Variants in PPOX observed in about 807,000 individuals in gnomAD.
PPOX encodes the protein protoporphyrinogen oxidase, also known as variegate porphyria.
PPOX carries 23 observed loss-of-function variants against 54.1 expected under a neutral mutation model. The observed-to-expected ratio is 0.43, with a 90% CI of 0.31 to 0.60. PPOX has a LOEUF of 0.60. PPOX is among the 20% of genes least tolerant of loss of function. The pLI is 0.13. For synonymous variants in PPOX, 224 were observed against 236.1 expected (o/e 0.95, Z 0.47); for missense variants, 512 against 601.1 (o/e 0.85, Z 1.55).
At chr1:161,174,946 C>T, downstream of PPOX, 2 of 1,583,604 alleles carry the variant, frequency 1.3e-6, no homozygotes, top group Non-Finnish European at 1.7e-6. Flanking sequence ...GTGCTTGAGG[C>T]TTCCTTAGAA....
At chr1:161,169,424 G>C in intron 7 of PPOX, 1 of 683,488 alleles carries the variant, frequency 1.5e-6, no homozygotes, top group Non-Finnish European at 2.5e-6. Flanking sequence ...AAAGAACCCA[G>C]CTTCACTGAA....
chr1:161,177,033 G>A lies in PPOX; in HGVS notation c.557G>A (p.Ser186Asn), dbSNP rs146463495. Residue 186 changes from serine to asparagine, a missense_variant, in exon 5 of 5, where the codon AGT becomes AAT. Coordinates refer to the PPOX transcript ENST00000497522. ...GAACAGCCCCGGAGCTCGGCGGAGA[G>A]TAGGGTGGGGGTGGCGTCCTCTACC... 311 of 1,535,984 alleles carry A rather than the reference G, an allele frequency of 2.0e-4. No individual in the cohort carries two copies. In the African/African-American group the frequency reaches 3.3e-3, roughly 16 times the overall value.
At chr1:161,175,751 C>T, downstream of PPOX, 1 of 1,591,660 alleles carries the variant, frequency 6.3e-7, no homozygotes, top group East Asian at 2.2e-5. Flanking sequence ...TATCCCCAAG[C>T]CTCCCTGTCT....
downstream of PPOX, chr1:161,176,083 G>A (rs369834383): frequency 1.4e-5 from 23 of 1,611,780 alleles, no homozygotes; most frequent in Middle Eastern, 1.7e-4. Flanking sequence ...ATCTAGGGAG[G>A]GAGAGGGGAA....
intron 2 of PPOX, 31 bp from the exon 3 acceptor site, chr1:161,167,069 G>A (rs1029255000): frequency 1.9e-6 from 3 of 1,614,160 alleles, no homozygotes; most frequent in Non-Finnish European, 2.5e-6. Context: ...GCTACAGGCG[G>A]TGCTGCAGTG....
At chr1:161,176,302 C>G (rs377658260) in intron 4 of PPOX, 27 of 582,840 alleles carry the variant, frequency 4.6e-5, no homozygotes, top group Non-Finnish European at 5.8e-5. Context: ...CTACCTCCCC[C>G]CAAACCACTC....
At chr1:161,174,925 TG>T, downstream of PPOX, 1 of 1,505,668 alleles carries the variant, frequency 6.6e-7, no homozygotes, top group Non-Finnish European at 9.2e-7. Flanking sequence ...TAGATGAAAG[TG>T]AAGTGGCATG....
chr1:161,174,456 T>C (rs555122043), downstream of PPOX, among the ~76,000 whole-genome samples: 5 of 146,862 alleles, frequency 3.4e-5, no homozygotes, highest in Non-Finnish European at 6.1e-5. Flanking sequence ...GAAATCAAAG[T>C]GGGGTGGAGG....
chr1:161,175,321 G>T, downstream of PPOX: 1 of 1,127,956 alleles, frequency 8.9e-7, no homozygotes. Context: ...CTGGCAGTCT[G>T]GTTCTGGGGC....
intron 4 of PPOX, chr1:161,176,802 T>C (rs1484442107): frequency 6.7e-7 from 1 of 1,487,676 alleles, no homozygotes; most frequent in Admixed American, 2.0e-5. Context: ...CAGGACAGAT[T>C]GGGGAGTGGG....
chr1:161,166,494 A>G lies in PPOX; in HGVS notation c.-187A>G, dbSNP rs757287744. The G allele has an allele frequency of 7.1e-5, 92 of 1,294,502 alleles. No homozygotes were observed. The highest frequency in any genetic ancestry group is 8.5e-5 in the Non-Finnish European group (86 of 1,011,276). 80.2% of individuals were successfully genotyped at this position (1,294,502 alleles called of 1,614,324 possible). A position where few individuals can be genotyped will look rare whatever the true frequency, so the allele number is the denominator to read the frequency against. On this transcript the variant is annotated 5_prime_UTR_variant, in exon 1 of 13. Transcript: ENST00000367999. ...GCGGATTTGAAGCACTTGTTGGCCT[A>G]CAGAGGTGTGGCAAGCAGAGCACCT...
intron 4 of PPOX, 137 bp from the exon 5 acceptor site, chr1:161,167,858 C>T: frequency 1.4e-6 from 2 of 1,418,576 alleles, no homozygotes; most frequent in Non-Finnish European, 2.0e-6. Flanking sequence ...CCACCACGCC[C>T]GACCTGCCTT....
chr1:161,175,054 T>C (rs1662979591), downstream of PPOX: 1 of 1,613,896 alleles, frequency 6.2e-7, no homozygotes, highest in African/African-American at 1.3e-5. Context: ...GTGCAGGTGG[T>C]AGAGCAGCAG....
Position 161,167,142 on chromosome 1 carries a change from C to T in PPOX, c.130C>T (p.Arg44Cys). 2 of 1,614,186 alleles carry T rather than the reference C, an allele frequency of 1.2e-6. No individual in the cohort carries two copies. The highest frequency in any genetic ancestry group is 1.3e-5 in the African/African-American group (1 of 75,044). Residue 44 changes from arginine to cysteine, a missense_variant, in exon 3 of 13, where the codon CGC (arginine) becomes TGC (cysteine). Arg to Cys is a radical substitution (Grantham distance 180, BLOSUM62 -3). Coordinates refer to ENST00000367999, the MANE Select transcript of PPOX (RefSeq NM_001122764.3). ...CAGTGAGCGTCTGGGAGGCTGGATT[C>T]GCTCCGTTCGAGGCCCTAATGGTGC... ...ESSERLGGWI[R>C]SVRGPNGAIF...
chr1:161,176,794 G>A (rs1413340961), intron 4 of PPOX: 1 of 1,455,608 alleles, frequency 6.9e-7, no homozygotes, highest in South Asian at 1.2e-5. Context: ...CACCCCAACA[G>A]GACAGATTGG....
chr1:161,176,415 A>C (rs959269381), intron 4 of PPOX: 1 of 403,006 alleles, frequency 2.5e-6, no homozygotes, highest in African/African-American at 2.0e-5. Context: ...CAATTTTAGA[A>C]GGGAAGAGAT....
rs935299776 is a variant in PPOX at position 161,167,476 on chromosome 1, A to G, written c.328A>G (p.Thr110Ala). 5.6e-6 allele frequency: 9 copies of G among 1,607,132 alleles called. No homozygotes were observed. Among genetic ancestry groups the G allele is most frequent in the African/African-American group, 1.4e-5 (1 of 73,018 alleles). ...YVGGALHALP[T>A]GLRGLLRPSP... Reference sequence around the variant, plus strand: ...GGGCGGTGCCCTGCATGCCCTACCCACTGGCCTCAGGTAACACCAGCACCT... The same window carrying G: ...GGGCGGTGCCCTGCATGCCCTACCCGCTGGCCTCAGGTAACACCAGCACCT... Residue 110 changes from threonine (T) to alanine (A), a missense_variant, in exon 4 of 13, where the codon ACT becomes GCT. Physicochemically the swap from Thr to Ala is moderately conservative, Grantham distance 58. Transcript: ENST00000367999.
In PPOX at chr1:161,167,241, G is replaced by A. The variant is rs778561221; in HGVS notation, c.222+7G>A. 1.9e-6 allele frequency: 3 copies of A among 1,614,172 alleles called. No individual in the cohort carries two copies. Among genetic ancestry groups the A allele is most frequent in the Non-Finnish European group, 2.5e-6 (3 of 1,180,032 alleles). On this transcript the variant is annotated splice_region_variant and intron_variant, in intron 3 of 12. Coordinates refer to ENST00000367999, the MANE Select transcript of PPOX (RefSeq NM_001122764.3). ...GGCCCGGACCTTGCTCCTGGTGAGA[G>A]GCTTGTGGGATGTCTAGGAGAGGTT...
downstream of PPOX, among the ~76,000 whole-genome samples, chr1:161,172,666 T>G (rs1194185329): frequency 6.9e-6 from 1 of 143,986 alleles, no homozygotes; most frequent in Non-Finnish European, 1.5e-5. Context: ...AAGAGAAGAC[T>G]GGGAGTTGCT....
Sources: gnomAD v4.1 joint callset for allele counts (sites outside exome capture counted in the v4.1 genomes callset) on GRCh38, gnomAD v4.1.1 for gene constraint, MANE v1.5 for transcripts, NCBI Gene and HGNC (gene_info 2026-07-23, HGNC 2026-07-21) for gene names.